ABCB1: variants seen among roughly 807,000 people sequenced by gnomAD.
ABCB1 encodes ATP-dependent translocase ABCB1.
In ABCB1, 69 loss-of-function variants were observed where a neutral mutation model predicts 142.0. The ratio of observed to expected loss-of-function variants is 0.49; its 90% CI spans 0.40 to 0.59. The LOEUF (loss-of-function observed/expected upper bound fraction) is 0.59. ABCB1 is among the 20% of genes least tolerant of loss of function. The pLI is 0.00. For missense variants in ABCB1, 1,326 were observed against 1,554.7 expected, an observed-to-expected ratio of 0.85 and a Z score of 2.47; for synonymous variants, 532 against 539.2, an observed-to-expected ratio of 0.99 and a Z score of 0.18.
rs1480304993 is a variant in ABCB1 at position 87,503,646 on chromosome 7, G to GA, written c.*596dup. ...GAGCCACCTTAATGTGGAAATGCAA[G>GA]AATCAGCAGGATCAAGTCCAAGAAG... On this transcript the variant is annotated 3_prime_UTR_variant, in exon 28 of 28. Coordinates refer to ENST00000622132, the MANE Select transcript of ABCB1 (RefSeq NM_001348946.2). 6.4e-6 allele frequency: 1 copy of GA among 157,026 alleles called. No homozygotes were observed. The highest frequency in any genetic ancestry group is 1.4e-5 in the Non-Finnish European group (1 of 70,864). The allele number at this position is 157,026 out of a possible 1,614,324, so 9.7% of individuals were successfully genotyped here. A position where few individuals can be genotyped will look rare whatever the true frequency, so the allele number is the denominator to read the frequency against.
Position 87,544,195 on chromosome 7 carries a change from T to C in ABCB1, c.2145A>G (p.Val715=), listed in dbSNP as rs1816668132. The change falls in exon 17 of 28, where the codon GTA becomes GTG. Residue 715 remains valine (V), a synonymous_variant. Transcript: ENST00000622132. Reference sequence around the variant, plus strand: ...GGCCTCCATTTATAATGGCACAAAATACACCAACAACAAAATAAGGCCATT... The same window carrying C: ...GGCCTCCATTTATAATGGCACAAAACACACCAACAACAAAATAAGGCCATT... The part of the protein sequence containing the change: ...LTEWPYFVVG[V]FCAIINGGLQ... 3 of 1,613,902 alleles carry C rather than the reference T, an allele frequency of 1.9e-6. No individual in the cohort carries two copies. In the African/African-American group the frequency reaches 4.0e-5, roughly 22 times the overall value.
At chr7:87,655,483 C>T (rs546850831) in intron 1 of ABCB1, among the ~76,000 whole-genome samples, 1 of 152,104 alleles carries the variant, frequency 6.6e-6, no homozygotes, top group African/African-American at 2.4e-5. Context: ...AAGACAAATA[C>T]TGCATGACTT....
intron 8 of ABCB1, among the ~76,000 whole-genome samples, chr7:87,555,211 G>C (rs1817257119): frequency 6.6e-6 from 1 of 152,040 alleles, no homozygotes; most frequent in African/African-American, 2.4e-5. Context: ...CAAGGTAAAA[G>C]GATTAGAGAA....
chr7:87,711,490 A>G (rs1830081321), intron 1 of ABCB1, among the ~76,000 whole-genome samples: 1 of 152,056 alleles, frequency 6.6e-6, no homozygotes, highest in Non-Finnish European at 1.5e-5. Flanking sequence ...ATTTTTTATG[A>G]TGGTAGAAAA....
At chr7:87,632,708 G>A (rs1206388505) in intron 1 of ABCB1, among the ~76,000 whole-genome samples, 1 of 151,850 alleles carries the variant, frequency 6.6e-6, no homozygotes, top group Non-Finnish European at 1.5e-5. Context: ...CATTTTTTCT[G>A]TCCTTTATAA....
chr7:87,630,688 CTT>C (rs771607643), intron 1 of ABCB1, among the ~76,000 whole-genome samples: 60 of 142,354 alleles, frequency 4.2e-4, no homozygotes, highest in African/African-American at 1.4e-3. Flanking sequence ...TTTGCTTAGT[CTT>C]TTTTTTTTTT....
intron 1 of ABCB1, among the ~76,000 whole-genome samples, chr7:87,700,006 T>A (rs1018129757): frequency 6.6e-6 from 1 of 152,150 alleles, no homozygotes; most frequent in Non-Finnish European, 1.5e-5. Context: ...GTGGGGTTTT[T>A]TTTTCTGTTT....
intron 17 of ABCB1, among the ~76,000 whole-genome samples, chr7:87,541,732 A>C (rs1234925226): frequency 6.6e-6 from 1 of 152,218 alleles, no homozygotes; most frequent in African/African-American, 2.4e-5. Context: ...TCAACTGTGT[A>C]AAGTTGAAAT....
In ABCB1 at chr7:87,632,520, G is replaced by T. The variant is rs537939591; in HGVS notation, c.-330-31442C>A. Among the ~76,000 whole-genome samples, 12 of 152,188 alleles carry T rather than the reference G, an allele frequency of 7.9e-5. No homozygotes were observed. In the South Asian group the frequency reaches 2.5e-3, roughly 32 times the overall value. On this transcript the variant is annotated intron_variant, in intron 1 of 28. Transcript: ENST00000265724. ...GTGAAGAGATAGTAGGTCATTTGAG[G>T]ACTCTAAATCTTACACACTCAACTT...
At chr7:87,585,452 C>T in intron 4 of ABCB1, 60 bp downstream of exon 4, 2 of 1,560,618 alleles carry the variant, frequency 1.3e-6, no homozygotes, top group East Asian at 2.2e-5. Flanking sequence ...ATAAACATCA[C>T]TCTAAGTGCT....
chr7:87,603,459 T>G (rs1368677108), upstream of ABCB1, among the ~76,000 whole-genome samples: 1 of 152,222 alleles, frequency 6.6e-6, no homozygotes, highest in Non-Finnish European at 1.5e-5. Flanking sequence ...TCCCACGAAG[T>G]GTTTTCTCCT....
chr7:87,684,647 C>CTGAGG (rs1460034799), intron 1 of ABCB1, among the ~76,000 whole-genome samples: 1 of 144,572 alleles, frequency 6.9e-6, no homozygotes, highest in African/African-American at 2.5e-5. Context: ...ACGCAGGAGG[C>CTGAGG]TGAGGCAGGA....
chr7:87,604,490 A>G (rs1819575441), upstream of ABCB1, among the ~76,000 whole-genome samples: 1 of 151,938 alleles, frequency 6.6e-6, no homozygotes, highest in Non-Finnish European at 1.5e-5. Flanking sequence ...ACCCTTTCAC[A>G]TGTAATGATT....
At chr7:87,561,909 C>T (rs1197786898) in intron 7 of ABCB1, among the ~76,000 whole-genome samples, 1 of 152,128 alleles carries the variant, frequency 6.6e-6, no homozygotes, top group Admixed American at 6.5e-5. Flanking sequence ...TCGTTTGAGC[C>T]TAGGAGGACG....
At chr7:87,693,966 A>G (rs1168940290) in intron 1 of ABCB1, 1 of 1,611,516 alleles carries the variant, frequency 6.2e-7, no homozygotes, top group African/African-American at 1.3e-5. Context: ...AAGGTACTCT[A>G]TGCTGGTGAT....
At chr7:87,650,319 A>G (rs1823448881) in intron 1 of ABCB1, among the ~76,000 whole-genome samples, 1 of 152,174 alleles carries the variant, frequency 6.6e-6, no homozygotes, top group South Asian at 2.1e-4. Context: ...ATTTATAAAC[A>G]ACAGAAATTT....
At chr7:87,557,755 G>A (rs901931830) in intron 8 of ABCB1, among the ~76,000 whole-genome samples, 5 of 152,168 alleles carry the variant, frequency 3.3e-5, no homozygotes, top group African/African-American at 1.2e-4. Context: ...AGTTACAAAT[G>A]TTGGGCTTCA....
At chr7:87,675,198 C>T (rs1281143760) in intron 1 of ABCB1, among the ~76,000 whole-genome samples, 2 of 152,212 alleles carry the variant, frequency 1.3e-5, no homozygotes, top group Non-Finnish European at 2.9e-5. Context: ...CTTCCTCCCT[C>T]TTCCACCCAG....
intron 3 of ABCB1, among the ~76,000 whole-genome samples, chr7:87,591,564 T>A (rs1241118544): frequency 6.6e-6 from 1 of 152,052 alleles, no homozygotes; most frequent in Non-Finnish European, 1.5e-5. Flanking sequence ...CTCATGTAAT[T>A]TATGGAGCGT....
Sources: allele counts gnomAD v4.1 joint callset (sites outside exome capture counted in the v4.1 genomes callset), GRCh38; gene constraint gnomAD v4.1.1; transcripts MANE v1.5; gene names NCBI Gene and HGNC (gene_info 2026-07-23, HGNC 2026-07-21).